Variants in DCAF8L2 observed in about 807,000 individuals in gnomAD.
DCAF8L2 encodes the protein DDB1- and CUL4-associated factor 8-like protein 2.
For synonymous variants in DCAF8L2, 200 were observed against 190.9 expected (o/e 1.05, Z -0.39); for missense variants, 430 against 490.7 (o/e 0.88, Z 1.17).
chrX:27,623,553 T>C (rs1274570779), intron 1 of DCAF8L2, among the ~76,000 whole-genome samples: 1 of 110,564 alleles, frequency 9.0e-6, no homozygotes, highest in Non-Finnish European at 1.9e-5. Flanking sequence ...TAAATATAAA[T>C]GAAAAGGGTA....
At chrX:27,569,741 A>T in the DCAF8L2 span, among the ~76,000 whole-genome samples, 1 of 111,999 alleles carries the variant, frequency 8.9e-6, no homozygotes, top group Non-Finnish European at 1.9e-5. Context: ...TATCAACATG[A>T]CACAAACATA....
intron 1 of DCAF8L2, among the ~76,000 whole-genome samples, chrX:27,628,828 C>T (rs1461591064): frequency 9.0e-6 from 1 of 110,726 alleles, no homozygotes; most frequent in African/African-American, 3.3e-5. Flanking sequence ...CGGTCTCGAT[C>T]TCCTGACCTC....
intron 1 of DCAF8L2, among the ~76,000 whole-genome samples, chrX:27,609,447 C>T (rs1489086610): frequency 9.0e-6 from 1 of 111,613 alleles, no homozygotes; most frequent in Non-Finnish European, 1.9e-5. Context: ...TCTGAAAATT[C>T]TGGCTACATT....
At chrX:27,555,261 G>A in the DCAF8L2 span, among the ~76,000 whole-genome samples, 1 of 112,116 alleles carries the variant, frequency 8.9e-6, no homozygotes, top group African/African-American at 3.2e-5. Flanking sequence ...AAAAAGGCTA[G>A]AAGATGTAGC....
the DCAF8L2 span, among the ~76,000 whole-genome samples, chrX:27,516,633 C>A: frequency 8.1e-5 from 9 of 111,398 alleles, no homozygotes; most frequent in Non-Finnish European, 1.5e-4. Context: ...AATAAAAAGG[C>A]AGTTAAACAT....
chrX:27,667,791 A>T (rs750172021), intron 2 of DCAF8L2, among the ~76,000 whole-genome samples: 1 of 112,497 alleles, frequency 8.9e-6, no homozygotes, highest in East Asian at 2.8e-4. Context: ...ATGCCCAGTA[A>T]TTCTTTTCTT....
intron 1 of DCAF8L2, among the ~76,000 whole-genome samples, chrX:27,611,000 C>A (rs1569159279): frequency 8.9e-6 from 1 of 112,181 alleles, no homozygotes; most frequent in South Asian, 3.7e-4. Context: ...TCCTGTGGAA[C>A]AGACAAATGA....
chrX:27,604,751 T>G (rs1681809496), intron 1 of DCAF8L2, among the ~76,000 whole-genome samples: 1 of 111,607 alleles, frequency 9.0e-6, no homozygotes, highest in Admixed American at 9.6e-5. Flanking sequence ...TTTGCTTCCC[T>G]CTACAAGTAT....
chrX:27,542,044 G>T, the DCAF8L2 span, among the ~76,000 whole-genome samples: 1 of 102,500 alleles, frequency 9.8e-6, no homozygotes, highest in African/African-American at 3.5e-5. Context: ...TCTTATGGTT[G>T]CATAGTATTC....
At chrX:27,526,086 G>C in the DCAF8L2 span, among the ~76,000 whole-genome samples, 1 of 111,806 alleles carries the variant, frequency 8.9e-6, no homozygotes, top group East Asian at 2.8e-4. Flanking sequence ...TTACTAGGTT[G>C]GGGAAGTTCT....
At position 27,749,922 on chromosome X, in the gene DCAF8L2, A is replaced by C. The variant is rs1922481223; in HGVS notation, c.*1131A>C. On this transcript the variant is annotated 3_prime_UTR_variant, in exon 5 of 5. Coordinates refer to ENST00000451261, the MANE Select transcript of DCAF8L2 (RefSeq NM_001353450.2). ...CTGGATGTCCAATTACTGCTCAATAAAAATATTTGTTTTTATTTTATATGT... is the reference window on the plus strand; with the variant it reads ...CTGGATGTCCAATTACTGCTCAATACAAATATTTGTTTTTATTTTATATGT... Among the ~76,000 whole-genome samples the C allele has an allele frequency of 8.9e-6, 1 of 111,774 alleles. No individual in the cohort carries two copies. Among genetic ancestry groups the C allele is most frequent in the Admixed American group, 9.5e-5 (1 of 10,476 alleles).
At chrX:27,710,821 T>A (rs1467166532) in intron 3 of DCAF8L2, among the ~76,000 whole-genome samples, 4 of 112,366 alleles carry the variant, frequency 3.6e-5, no homozygotes, top group Non-Finnish European at 7.5e-5. Context: ...GTTTCTGACA[T>A]TAGAAGAAAA....
At chrX:27,636,356 TCTA>T (rs1379661795) in intron 2 of DCAF8L2, among the ~76,000 whole-genome samples, 1 of 112,067 alleles carries the variant, frequency 8.9e-6, no homozygotes, top group Non-Finnish European at 1.9e-5. Flanking sequence ...TAAGCTAAAA[TCTA>T]CTACAATTGC....
At chrX:27,705,923 G>A (rs747478447) in intron 3 of DCAF8L2, among the ~76,000 whole-genome samples, 1 of 111,605 alleles carries the variant, frequency 9.0e-6, no homozygotes, top group South Asian at 3.7e-4. Context: ...ACAGATTTAG[G>A]TTTTACATTT....
At chrX:27,616,381 A>G (rs769581338) in intron 1 of DCAF8L2, among the ~76,000 whole-genome samples, 1 of 111,136 alleles carries the variant, frequency 9.0e-6, no homozygotes, top group East Asian at 2.8e-4. Context: ...TAAAAAAATC[A>G]ATTACCTGAA....
At chrX:27,597,992 T>C (rs767600007) in intron 1 of DCAF8L2, among the ~76,000 whole-genome samples, 92 of 108,184 alleles carry the variant, frequency 8.5e-4, no homozygotes, top group African/African-American at 3.0e-3. Flanking sequence ...TGTACTTGAT[T>C]CTAAAAACAA....
the DCAF8L2 span, among the ~76,000 whole-genome samples, chrX:27,502,927 G>A: frequency 8.9e-6 from 1 of 111,783 alleles, no homozygotes; most frequent in East Asian, 2.8e-4. Context: ...AGTGAGTTTT[G>A]TCTTTCTGAT....
the DCAF8L2 span, among the ~76,000 whole-genome samples, chrX:27,572,703 G>A: frequency 9.0e-6 from 1 of 111,525 alleles, no homozygotes; most frequent in Non-Finnish European, 1.9e-5. Context: ...ATTCATATGG[G>A]TCAGTGAATA....
At chrX:27,668,835 C>T (rs1929836081) in intron 2 of DCAF8L2, among the ~76,000 whole-genome samples, 1 of 110,245 alleles carries the variant, frequency 9.1e-6, no homozygotes, top group Non-Finnish European at 1.9e-5. Context: ...CGCCTGTAAT[C>T]CCAGCAGGAG....
Sources: gnomAD v4.1 joint callset for allele counts (sites outside exome capture counted in the v4.1 genomes callset) on GRCh38, gnomAD v4.1.1 for gene constraint, MANE v1.5 for transcripts, NCBI Gene and HGNC (gene_info 2026-07-23, HGNC 2026-07-21) for gene names.